Variants in ARHGEF11 observed in about 807,000 individuals in gnomAD.
The protein encoded by ARHGEF11 is Rho guanine exchange factor (GEF) 11.
A neutral mutation model predicts 193.7 loss-of-function variants in ARHGEF11; 55 were observed. That is an observed-to-expected ratio of 0.28 (90% confidence interval 0.23 to 0.36). ARHGEF11 has a LOEUF of 0.36. Among genes scored for constraint, ARHGEF11 ranks in the 10% least tolerant of loss-of-function variants. The probability of loss-of-function intolerance (pLI) is 1.00; values close to 1 mark genes in which losing one functional copy is unlikely to be tolerated. For missense variants in ARHGEF11, 1,723 were observed against 2,005.6 expected (o/e 0.86, Z 2.69); for synonymous variants, 693 against 768.0 (o/e 0.90, Z 1.62).
intron 1 of ARHGEF11, among the ~76,000 whole-genome samples, chr1:157,011,820 T>C (rs1056305169): frequency 9.2e-5 from 14 of 152,126 alleles, no homozygotes; most frequent in African/African-American, 3.1e-4. Flanking sequence ...ACAAAAGTAA[T>C]GGAAAATAAC....
intron 1 of ARHGEF11, among the ~76,000 whole-genome samples, chr1:157,018,363 G>A (rs1453642946): frequency 6.6e-6 from 1 of 152,078 alleles, no homozygotes; most frequent in African/African-American, 2.4e-5. Flanking sequence ...AAAAAGACCA[G>A]CCGGGCGCGG....
At chr1:156,952,426 A>G (rs1383503673) in intron 21 of ARHGEF11, among the ~76,000 whole-genome samples, 2 of 152,130 alleles carry the variant, frequency 1.3e-5, no homozygotes, top group East Asian at 3.9e-4. Context: ...AGCAGGAGGG[A>G]AGAGAGATAA....
chr1:157,015,951 T>A (rs989555204), intron 1 of ARHGEF11, among the ~76,000 whole-genome samples: 1 of 152,166 alleles, frequency 6.6e-6, no homozygotes, highest in Non-Finnish European at 1.5e-5. Flanking sequence ...TTTCACAATA[T>A]GGGGATTGGA....
In ARHGEF11 at chr1:156,935,893, C is replaced by T. The variant is rs1654952186; in HGVS notation, c.*107G>A. 3 of 1,275,994 alleles carry T rather than the reference C, an allele frequency of 2.4e-6. No individual in the cohort carries two copies. The African/African-American group carries it at 4.5e-5, about 19-fold the overall frequency. 79.0% of individuals were successfully genotyped at this position (1,275,994 alleles called of 1,614,324 possible). ...GGCTGGATCCTAGTTTCCCTAACTGCCTCCTCCACAGGGAGGAGTGTTGGG... is the reference window on the plus strand; with the variant it reads ...GGCTGGATCCTAGTTTCCCTAACTGTCTCCTCCACAGGGAGGAGTGTTGGG... On this transcript the variant is annotated 3_prime_UTR_variant, in exon 41 of 41. Transcript: ENST00000368194.
In ARHGEF11 at chr1:156,962,802, C is replaced by T. The variant is rs554123172; in HGVS notation, c.1140+401G>A. 8.5e-5 allele frequency among the ~76,000 whole-genome samples: 12 copies of T among 141,990 alleles called. No individual in the cohort carries two copies. The South Asian group carries it at 2.8e-3, about 33-fold the overall frequency. 93.2% of individuals were successfully genotyped at this position (141,990 alleles called of 152,430 possible). A position where few individuals can be genotyped will look rare whatever the true frequency, so the allele number is the denominator to read the frequency against. On this transcript the variant is annotated intron_variant, in intron 13 of 40. Coordinates refer to ENST00000368194, the MANE Select transcript of ARHGEF11 (RefSeq NM_198236.3). The stretch of plus-strand genomic sequence containing the variant: ...GCTGAGGCAGGAGAACAGCGTGAAC[C>T]TGGGAGGCGGAGCTTGCAGTGAGCT...
intron 1 of ARHGEF11, among the ~76,000 whole-genome samples, chr1:157,015,925 AG>A (rs1669170007): frequency 6.6e-6 from 1 of 152,310 alleles, no homozygotes; most frequent in South Asian, 2.1e-4. Context: ...TCAACTGAGG[AG>A]GGGGAGAGAT....
chr1:157,034,362 C>G (rs1671650782), intron 1 of ARHGEF11, among the ~76,000 whole-genome samples: 1 of 152,190 alleles, frequency 6.6e-6, no homozygotes, highest in African/African-American at 2.4e-5. Flanking sequence ...TTGTGCCCAT[C>G]AGACTCCTGC....
chr1:156,980,753 C>G (rs1664019919), intron 3 of ARHGEF11, among the ~76,000 whole-genome samples: 1 of 139,354 alleles, frequency 7.2e-6, no homozygotes, highest in Non-Finnish European at 1.5e-5. Flanking sequence ...AGGAGCGAGG[C>G]AGGGCCAGGC....
At chr1:156,949,556 T>A (rs549719761) in intron 22 of ARHGEF11, among the ~76,000 whole-genome samples, 1 of 152,340 alleles carries the variant, frequency 6.6e-6, no homozygotes, top group South Asian at 2.1e-4. Context: ...GCTCATCTCC[T>A]AGGGTCCTGA....
At chr1:156,993,520 T>C (rs1432730236) in intron 1 of ARHGEF11, among the ~76,000 whole-genome samples, 1 of 152,162 alleles carries the variant, frequency 6.6e-6, no homozygotes, top group East Asian at 1.9e-4. Flanking sequence ...GGCAAAGTAA[T>C]ATTCCTGGGC....
rs188985533 is a variant in ARHGEF11 at position 156,958,935 on chromosome 1, C to T, written c.1380-71G>A. 6,932 of 1,610,488 alleles carry T rather than the reference C, an allele frequency of 4.3e-3. 22 individuals carry two copies. The highest frequency in any genetic ancestry group is 4.9e-3 in the Non-Finnish European group (5,745 of 1,177,368). The stretch of plus-strand genomic sequence containing the variant: ...TCAACAGATGGACATCCAGAAAGAA[C>T]AAGACAAACACATATAACAAGAGAT... On this transcript the variant is annotated intron_variant, in intron 16 of 40. Transcript: ENST00000368194.
intron 7 of ARHGEF11, among the ~76,000 whole-genome samples, chr1:156,973,951 C>T (rs1662895889): frequency 6.6e-6 from 1 of 152,344 alleles, no homozygotes; most frequent in East Asian, 1.9e-4. Flanking sequence ...TGTCATCAGT[C>T]CCCCACTCAA....
chr1:156,985,493 G>A (rs1311147921), intron 2 of ARHGEF11, among the ~76,000 whole-genome samples: 1 of 152,096 alleles, frequency 6.6e-6, no homozygotes, highest in Non-Finnish European at 1.5e-5. Flanking sequence ...GCGCGATCTC[G>A]ACTCACTGCA....
chr1:157,014,237 C>T (rs1330064545), intron 1 of ARHGEF11, among the ~76,000 whole-genome samples: 2 of 152,142 alleles, frequency 1.3e-5, no homozygotes, highest in Admixed American at 6.6e-5. Flanking sequence ...CCTTTAAGCA[C>T]TGTTCTTCTT....
Position 157,018,935 on chromosome 1 carries a change from AATAAATTAACCTCAACTCTTCT to A in ARHGEF11, c.32+25342_32+25363del, listed in dbSNP as rs1399712762. ...CTGGACCTCATATGCAAAAAACAGT[AATAAATTAACCTCAACTCTTCT>A]CTCACACACTACACAAAAAGTAACG... On this transcript the variant is annotated intron_variant, in intron 1 of 40. Coordinates refer to ENST00000368194, the MANE Select transcript of ARHGEF11 (RefSeq NM_198236.3). Among the ~76,000 whole-genome samples the A allele has an allele frequency of 5.3e-5, 8 of 152,302 alleles. No homozygotes were observed. In the South Asian group the frequency reaches 1.7e-3, roughly 32 times the overall value.
At chr1:157,022,928 G>A (rs906459859) in intron 1 of ARHGEF11, among the ~76,000 whole-genome samples, 2 of 152,170 alleles carry the variant, frequency 1.3e-5, no homozygotes, top group African/African-American at 4.8e-5. Context: ...AACAAATGGG[G>A]CTGGGACAAT....
intron 11 of ARHGEF11, among the ~76,000 whole-genome samples, chr1:156,967,409 T>A (rs936884312): frequency 2.0e-5 from 3 of 152,156 alleles, no homozygotes. Flanking sequence ...TGCAAGCTGT[T>A]TGCATTAAGT....
At position 157,044,731 on chromosome 1, in the gene ARHGEF11, A is replaced by T; in HGVS notation, c.-401T>A. The T allele has an allele frequency of 2.5e-6, 1 of 400,432 alleles. No individual in the cohort carries two copies. Among genetic ancestry groups the T allele is most frequent in the Non-Finnish European group, 4.4e-6 (1 of 227,600 alleles). The allele number at this position is 400,432 out of a possible 1,614,324, so 24.8% of individuals were successfully genotyped here. On this transcript the variant is annotated 5_prime_UTR_variant, in exon 1 of 41. Coordinates refer to ENST00000368194, the MANE Select transcript of ARHGEF11 (RefSeq NM_198236.3). ...ACTGTTAACTGCAAAGTACAGATAA[A>T]ACCATCCTTTAAATCCAGCTTTCTC...
intron 1 of ARHGEF11, among the ~76,000 whole-genome samples, chr1:157,013,463 C>T (rs1668822075): frequency 6.6e-6 from 1 of 152,036 alleles, no homozygotes; most frequent in Non-Finnish European, 1.5e-5. Flanking sequence ...AACATTAATG[C>T]TTCTTGGTGA....
Sources: allele counts gnomAD v4.1 joint callset (sites outside exome capture counted in the v4.1 genomes callset), GRCh38; gene constraint gnomAD v4.1.1; transcripts MANE v1.5; gene names NCBI Gene and HGNC (gene_info 2026-07-23, HGNC 2026-07-21).